ZNF519: variants seen among roughly 807,000 people sequenced by gnomAD.
ZNF519 encodes the protein zinc finger protein 519, also known as similar to Zinc finger protein 85 (Zinc finger protein HPF4) (HTF1).
ZNF519 carries 7 observed loss-of-function variants against 7.4 expected under a neutral mutation model. The ratio of observed to expected loss-of-function variants is 0.94; its 90% CI spans 0.54 to 1.77. The LOEUF (loss-of-function observed/expected upper bound fraction) is 1.77. ZNF519 is among the 40% of genes most tolerant of loss of function. The pLI is 0.00. For missense variants in ZNF519, 586 were observed against 623.1 expected, an observed-to-expected ratio of 0.94 and a Z score of 0.63; for synonymous variants, 179 against 203.3, an observed-to-expected ratio of 0.88 and a Z score of 1.02.
intron 2 of ZNF519, among the ~76,000 whole-genome samples, chr18:14,093,466 T>C (rs1314640849): frequency 2.6e-5 from 4 of 152,204 alleles, no homozygotes; most frequent in Non-Finnish European, 2.9e-5. Flanking sequence ...CATATATGTA[T>C]ACTCATATGC....
chr18:14,119,026 T>G (rs1218664048), intron 2 of ZNF519, among the ~76,000 whole-genome samples: 5 of 152,160 alleles, frequency 3.3e-5, no homozygotes, highest in Non-Finnish European at 1.5e-5. Context: ...TATAGATTAA[T>G]GTCCACAAGG....
intron 2 of ZNF519, among the ~76,000 whole-genome samples, chr18:14,111,078 A>G (rs1261496266): frequency 6.6e-6 from 1 of 151,986 alleles, no homozygotes; most frequent in Non-Finnish European, 1.5e-5. Context: ...AGCCAAAATT[A>G]GAAGAAAAGA....
chr18:14,111,949 C>T (rs1260219330), intron 2 of ZNF519, among the ~76,000 whole-genome samples: 1 of 152,040 alleles, frequency 6.6e-6, no homozygotes, highest in African/African-American at 2.4e-5. Context: ...ATACTAAAAC[C>T]AGACAAACGC....
chr18:14,096,998 C>T (rs886662806), downstream of ZNF519, among the ~76,000 whole-genome samples: 2 of 152,118 alleles, frequency 1.3e-5, no homozygotes, highest in Admixed American at 1.3e-4. Flanking sequence ...TCTTTCTCTG[C>T]TTATATACGA....
At chr18:14,095,954 G>T (rs555155501), downstream of ZNF519, among the ~76,000 whole-genome samples, 10 of 152,238 alleles carry the variant, frequency 6.6e-5, no homozygotes, top group Non-Finnish European at 1.5e-4. Flanking sequence ...TCTGCCAGTG[G>T]GGTTCACTCG....
intron 2 of ZNF519, among the ~76,000 whole-genome samples, chr18:14,114,978 T>C (rs573311220): frequency 6.0e-4 from 92 of 152,172 alleles, no homozygotes; most frequent in African/African-American, 2.0e-3. Context: ...AAAATATATA[T>C]AAATTTAAGT....
At chr18:14,087,713 C>T (rs1442051552) in intron 2 of ZNF519, among the ~76,000 whole-genome samples, 3 of 152,144 alleles carry the variant, frequency 2.0e-5, no homozygotes, top group East Asian at 1.9e-4. Context: ...ATGTTTAAAT[C>T]GTATCATTTA....
Position 14,105,515 on chromosome 18 carries a change from T to C in ZNF519, c.1025A>G (p.His342Arg), listed in dbSNP as rs750581394. The change falls in exon 3 of 3, where the codon CAT becomes CGT. Residue 342 changes from histidine (H) to arginine (R), a missense_variant. By Grantham distance (29) the His-to-Arg change is conservative (BLOSUM62 0). Coordinates refer to ENST00000590202, the MANE Select transcript of ZNF519 (RefSeq NM_145287.4). ...GSYLTQHQRI[H>R]TGERAFKCEE... ...ACATTTGAAAGCTCTCTCTCCAGTA[T>C]GGATTCTCTGATGTTGAGTAAGGTA... 2 of 1,614,172 alleles carry C rather than the reference T, an allele frequency of 1.2e-6. No individual in the cohort carries two copies. Among genetic ancestry groups the C allele is most frequent in the Non-Finnish European group, 1.7e-6 (2 of 1,180,026 alleles).
At position 14,106,045 on chromosome 18, in the gene ZNF519, G is replaced by A; in HGVS notation, c.495C>T (p.Asp165=). The A allele has an allele frequency of 6.3e-7, 1 of 1,585,968 alleles. No individual in the cohort carries two copies. The highest frequency in any genetic ancestry group is 2.2e-5 in the East Asian group (1 of 44,648). The change falls in exon 3 of 3, where the codon GAC becomes GAT. Residue 165 remains aspartate (D), a synonymous_variant. Transcript: ENST00000590202. ...CNKNQINFNH[D]SNISKHHSTH... ...TACTATGATGTTTACTAATATTTGA[G>A]TCATGGTTAAAATTTATCTGATTTT...
intron 2 of ZNF519, among the ~76,000 whole-genome samples, chr18:14,091,599 C>T (rs893040660): frequency 1.3e-5 from 2 of 152,068 alleles, no homozygotes; most frequent in Non-Finnish European, 2.9e-5. Flanking sequence ...AATGAAGACT[C>T]GAAAGTCCTT....
intron 2 of ZNF519, among the ~76,000 whole-genome samples, chr18:14,108,241 G>A (rs1377046486): frequency 1.3e-5 from 2 of 152,140 alleles, no homozygotes; most frequent in Non-Finnish European, 2.9e-5. Flanking sequence ...CTCGACCTTC[G>A]AGGAAAGGAC....
In ZNF519 at chr18:14,105,529, T is replaced by G. The variant is rs780426350; in HGVS notation, c.1011A>C (p.Gln337His). 1 of 1,614,044 alleles carries G rather than the reference T, an allele frequency of 6.2e-7. No individual in the cohort carries two copies. Among genetic ancestry groups the G allele is most frequent in the South Asian group, 1.1e-5 (1 of 91,070 alleles). Residue 337 changes from glutamine (Q) to histidine (H), a missense_variant, in exon 3 of 3, where the codon CAA (glutamine) becomes CAC (histidine). Transcript: ENST00000590202. Reference protein sequence around the residue: ...KAFNRGSYLTQHQRIHTGERA... With the variant: ...KAFNRGSYLTHHQRIHTGERA... ...TCTCTCCAGTATGGATTCTCTGATG[T>G]TGAGTAAGGTATGAGCCTCTGTTAA...
At chr18:14,109,698 C>A (rs1445258535) in intron 2 of ZNF519, among the ~76,000 whole-genome samples, 2 of 151,982 alleles carry the variant, frequency 1.3e-5, no homozygotes, top group African/African-American at 2.4e-5. Context: ...TTAGGATATA[C>A]AGTAAAAGCA....
chr18:14,083,664 C>T (rs753269894), intron 3 of ZNF519, among the ~76,000 whole-genome samples: 1 of 152,062 alleles, frequency 6.6e-6, no homozygotes, highest in African/African-American at 2.4e-5. Flanking sequence ...AACCCCAGCA[C>T]TTTGGGAGCA....
Position 14,105,445 on chromosome 18 carries a change from TTGAGTAAGGTA to T in ZNF519, c.1084_1094del (p.Tyr362ThrfsTer14). ...TCTCTCCGGTATGGATTCTCTGGTG[TTGAGTAAGGTA>T]TGACCCCCTGTTAAAGGCTTTGCCA... On this transcript the variant is annotated frameshift_variant, in exon 3 of 3. Transcript: ENST00000590202. LOFTEE classifies it low-confidence loss of function (END_TRUNC). The T allele has an allele frequency of 1.2e-6, 2 of 1,613,922 alleles. No individual in the cohort carries two copies. The highest frequency in any genetic ancestry group is 1.7e-6 in the Non-Finnish European group (2 of 1,179,946).
downstream of ZNF519, chr18:14,071,959 T>C (rs2046029911): frequency 6.6e-6 from 1 of 152,172 alleles, no homozygotes; most frequent in Non-Finnish European, 1.5e-5. Context: ...CATGGCAAAA[T>C]GTTAATGTGG....
intron 2 of ZNF519, among the ~76,000 whole-genome samples, chr18:14,114,242 T>G (rs1052867051): frequency 6.6e-6 from 1 of 152,190 alleles, no homozygotes; most frequent in African/African-American, 2.4e-5. Flanking sequence ...GTTTCTACAA[T>G]GTTTTCTTAA....
At chr18:14,092,856 T>C (rs1477101446) in intron 2 of ZNF519, among the ~76,000 whole-genome samples, 1 of 152,176 alleles carries the variant, frequency 6.6e-6, no homozygotes, top group Non-Finnish European at 1.5e-5. Context: ...TCCACCTCTC[T>C]TCCTACATTT....
chr18:14,080,588 G>T (rs2046067381), intron 3 of ZNF519, among the ~76,000 whole-genome samples: 1 of 152,040 alleles, frequency 6.6e-6, no homozygotes, highest in South Asian at 2.1e-4. Context: ...CCAAAGTGCT[G>T]GGATTACAGG....
Sources: gnomAD v4.1 joint callset for allele counts (sites outside exome capture counted in the v4.1 genomes callset) on GRCh38, gnomAD v4.1.1 for gene constraint, MANE v1.5 for transcripts, NCBI Gene and HGNC (gene_info 2026-07-23, HGNC 2026-07-21) for gene names.